Variants in WAC observed in about 807,000 individuals in gnomAD.
WAC encodes the protein WW domain containing adaptor with coiled-coil.
In WAC, 11 loss-of-function variants were observed where a neutral mutation model predicts 79.6. The observed-to-expected ratio is 0.14, with a 90% CI of 0.09 to 0.23. The LOEUF (loss-of-function observed/expected upper bound fraction) is 0.23, where lower values mean the gene tolerates loss of function less well. Ranked by LOEUF, WAC falls within the 10% of genes least tolerant of loss-of-function variation. WAC has a pLI of 1.00. For missense variants in WAC, 728 were observed against 773.5 expected (o/e 0.94, Z 0.70); for synonymous variants, 304 against 276.9 (o/e 1.10, Z -0.97).
chr10:28,553,070 A>G (rs1236779942), intron 3 of WAC, among the ~76,000 whole-genome samples: 1 of 151,868 alleles, frequency 6.6e-6, no homozygotes, highest in African/African-American at 2.4e-5. Context: ...TTGTGTGGAG[A>G]CGAATGGAAT....
chr10:28,546,716 C>T (rs577018435), intron 3 of WAC, among the ~76,000 whole-genome samples: 11 of 152,132 alleles, frequency 7.2e-5, no homozygotes, highest in Non-Finnish European at 1.3e-4. Context: ...AGAATGAACT[C>T]TCCCCTTTGA....
upstream of WAC, chr10:28,533,050 G>T (rs1836348917): frequency 6.5e-6 from 1 of 154,988 alleles, no homozygotes; most frequent in Non-Finnish European, 1.4e-5. Context: ...GTGCGGGGAG[G>T]AAGGCCGAGG....
At chr10:28,618,124 C>A (rs916571506) in intron 13 of WAC, 4 of 175,710 alleles carry the variant, frequency 2.3e-5, no homozygotes, top group African/African-American at 7.2e-5. Context: ...TTTGTCCTTG[C>A]ATCATCAATA....
chr10:28,591,398 C>G (rs1283565036), intron 6 of WAC: 4 of 152,448 alleles, frequency 2.6e-5, no homozygotes. Flanking sequence ...CTTTTTGTTC[C>G]AAGGTGCTCT....
At chr10:28,577,015 T>C (rs768064799) in intron 3 of WAC, among the ~76,000 whole-genome samples, 4 of 152,186 alleles carry the variant, frequency 2.6e-5, no homozygotes, top group Non-Finnish European at 4.4e-5. Flanking sequence ...TTAGTAGCTA[T>C]GTGTGGCCAG....
intron 3 of WAC, among the ~76,000 whole-genome samples, chr10:28,558,638 C>T (rs1838129157): frequency 6.6e-6 from 1 of 152,062 alleles, no homozygotes; most frequent in South Asian, 2.1e-4. Flanking sequence ...TTATGTTGTT[C>T]CTCATTGCCT....
chr10:28,607,174 C>G (rs1478355134), intron 7 of WAC, among the ~76,000 whole-genome samples: 1 of 152,216 alleles, frequency 6.6e-6, no homozygotes, highest in African/African-American at 2.4e-5. Flanking sequence ...TATAATTGTT[C>G]TGCTTTTTGT....
At chr10:28,579,904 A>G (rs988608450) in intron 3 of WAC, among the ~76,000 whole-genome samples, 1 of 152,208 alleles carries the variant, frequency 6.6e-6, no homozygotes, top group African/African-American at 2.4e-5. Context: ...TCTAGTTGGA[A>G]TGTAAAGATG....
intron 9 of WAC, 31 bp from the exon 10 acceptor site, chr10:28,611,743 C>T (rs779795685): frequency 6.3e-7 from 1 of 1,599,036 alleles, no homozygotes; most frequent in Admixed American, 1.8e-5. Context: ...TTTTGTTTTT[C>T]TTTAAAATTA....
chr10:28,618,216 T>A (rs1841558649), intron 13 of WAC, among the ~76,000 whole-genome samples: 1 of 152,224 alleles, frequency 6.6e-6, no homozygotes, highest in African/African-American at 2.4e-5. Flanking sequence ...TGAACTCTTG[T>A]CTTGTATTTC....
At chr10:28,609,331 C>T (rs1291451616) in intron 8 of WAC, among the ~76,000 whole-genome samples, 1 of 152,028 alleles carries the variant, frequency 6.6e-6, no homozygotes, top group African/African-American at 2.4e-5. Context: ...CCTGTACACT[C>T]CAACCTGGCT....
chr10:28,604,932 C>T (rs1840865200), intron 7 of WAC, among the ~76,000 whole-genome samples: 1 of 152,154 alleles, frequency 6.6e-6, no homozygotes, highest in African/African-American at 2.4e-5. Context: ...ACTAAAACTA[C>T]CTCTCAGAAT....
intron 3 of WAC, among the ~76,000 whole-genome samples, chr10:28,571,126 C>T (rs1168663365): frequency 4.0e-5 from 6 of 151,184 alleles, no homozygotes; most frequent in African/African-American, 9.7e-5. Flanking sequence ...CCTGGGGTTT[C>T]GCCATGTTGG....
chr10:28,542,990 C>A (rs537058590), intron 3 of WAC, among the ~76,000 whole-genome samples: 1 of 152,022 alleles, frequency 6.6e-6, no homozygotes, highest in East Asian at 1.9e-4. Flanking sequence ...TTGAATAGTG[C>A]CTGAAACTTT....
At chr10:28,559,962 G>A (rs868547113) in intron 3 of WAC, among the ~76,000 whole-genome samples, 1 of 152,176 alleles carries the variant, frequency 6.6e-6, no homozygotes, top group African/African-American at 2.4e-5. Context: ...TGAATAGAAT[G>A]ACTTGGATTA....
At chr10:28,543,419 C>T (rs1239138355) in intron 3 of WAC, among the ~76,000 whole-genome samples, 1 of 152,170 alleles carries the variant, frequency 6.6e-6, no homozygotes, top group African/African-American at 2.4e-5. Flanking sequence ...GGTACAAGAT[C>T]TTTGAAACCT....
Position 28,608,237 on chromosome 10 carries a change from C to A in WAC, c.971C>A (p.Thr324Lys), listed in dbSNP as rs749833737. 1.5e-5 allele frequency: 24 copies of A among 1,614,066 alleles called. No individual in the cohort carries two copies. The highest frequency in any genetic ancestry group is 2.0e-5 in the Non-Finnish European group (24 of 1,180,042). ...PVSHSCTTPS[T>K]SSASGLNPTS... ...TCACATTCTTGCACAACTCCTTCCA[C>A]GTCTTCTGCCTCTGGACTGAACCCC... is the stretch of plus-strand genomic sequence containing the variant. Residue 324 changes from threonine to lysine, a missense_variant, in exon 8 of 14, where the codon ACG becomes AAG. Thr to Lys is a moderately conservative substitution (Grantham distance 78). Coordinates refer to ENST00000354911, the MANE Select transcript of WAC (RefSeq NM_016628.5).
chr10:28,591,712 A>C (rs1218053847), intron 6 of WAC: 2 of 152,112 alleles, frequency 1.3e-5, no homozygotes, highest in Non-Finnish European at 2.9e-5. Flanking sequence ...ATTAAAAATT[A>C]ACCACGCAGC....
At chr10:28,533,791 C>A (rs552014351) in intron 1 of WAC, 171 bp downstream of exon 1, 3 of 978,552 alleles carry the variant, frequency 3.1e-6, no homozygotes, top group African/African-American at 1.7e-5. Context: ...CGCAGTGTGG[C>A]GGGGAGCGGG....
Sources: gnomAD v4.1 joint callset for allele counts (sites outside exome capture counted in the v4.1 genomes callset) on GRCh38, gnomAD v4.1.1 for gene constraint, MANE v1.5 for transcripts, NCBI Gene and HGNC (gene_info 2026-07-23, HGNC 2026-07-21) for gene names.